Variants in CDKN2A observed in about 807,000 individuals in gnomAD.
CDKN2A encodes cyclin-dependent kinase inhibitor 2A.
A neutral mutation model predicts 11.1 loss-of-function variants in CDKN2A; 3 were observed. That is an observed-to-expected ratio of 0.27 (90% CI 0.12 to 0.70). The LOEUF is 0.70. Among genes scored for constraint, CDKN2A ranks in the 30% least tolerant of loss-of-function variants. CDKN2A has a pLI of 0.77. For missense variants in CDKN2A, 265 were observed against 233.6 expected (o/e 1.13, Z -0.88); for synonymous variants, 122 against 108.1 (o/e 1.13, Z -0.80).
Position 21,991,623 on chromosome 9 carries a change from G to A in CDKN2A, c.-4+2259C>T, listed in dbSNP as rs1458350786. 1 of 980,532 alleles carries A rather than the reference G, an allele frequency of 1.0e-6. No homozygotes were observed. Among genetic ancestry groups the A allele is most frequent in the Non-Finnish European group, 1.2e-6 (1 of 825,446 alleles). 60.7% of individuals were successfully genotyped at this position (980,532 alleles called of 1,614,324 possible). ...GGAGTTTTTCATATGTTGGGAAAATGGTTTAGCTTAACTCTATCATGGTAG... is the reference window on the plus strand; with the variant it reads ...GGAGTTTTTCATATGTTGGGAAAATAGTTTAGCTTAACTCTATCATGGTAG... On this transcript the variant is annotated intron_variant, in intron 2 of 3. Coordinates refer to the CDKN2A transcript ENST00000494262. The surrounding 1 kb of genome is among the most constrained non-coding windows in gnomAD (Gnocchi z 5.2).
rs1064793537 is a variant in CDKN2A, at chr9:21,994,370, C to T, written c.-175-317G>A. ...CCAGGGCCGAGCTCGGCAGCCGCTG[C>T]GCCGCCCTTTGGCACCAGAGGTGAG... is the stretch of plus-strand genomic sequence containing the variant. On this transcript the variant is annotated intron_variant, in intron 1 of 3. Coordinates refer to the CDKN2A transcript ENST00000494262. The T allele has an allele frequency of 1.2e-6, 2 of 1,607,478 alleles. No homozygotes were observed. Among genetic ancestry groups the T allele is most frequent in the Non-Finnish European group, 1.7e-6 (2 of 1,178,828 alleles).
At chr9:21,987,438 G>C (rs202157639) in intron 2 of CDKN2A, among the ~76,000 whole-genome samples, 89,592 of 122,274 alleles carry the variant, frequency 0.73, 31,843 homozygotes, top group East Asian at 0.94. Context: ...CACACAGAGA[G>C]AGAGAGAGAG....
At chr9:21,992,083 G>T in intron 2 of CDKN2A, 1 of 886,084 alleles carries the variant, frequency 1.1e-6, no homozygotes, top group Non-Finnish European at 1.4e-6. Flanking sequence ...TTTAGTATAT[G>T]TATTTCCAAT....
intron 2 of CDKN2A, among the ~76,000 whole-genome samples, chr9:21,981,656 A>G (rs532945344): frequency 6.6e-6 from 1 of 150,696 alleles, no homozygotes; most frequent in Non-Finnish European, 1.5e-5. Context: ...ACTAGCTTCA[A>G]TGTCTTGATC....
upstream of CDKN2A, among the ~76,000 whole-genome samples, chr9:21,979,078 A>C (rs1209731102): frequency 6.6e-6 from 1 of 152,244 alleles, no homozygotes; most frequent in African/African-American, 2.4e-5. Flanking sequence ...AGGCTTCCGG[A>C]TGCTGAGAGC....
Position 21,968,368 on chromosome 9 carries a change from C to T in CDKN2A, c.458-126G>A. The T allele has an allele frequency of 6.6e-7, 1 of 1,503,796 alleles. No homozygotes were observed. The highest frequency in any genetic ancestry group is 1.2e-5 in the South Asian group (1 of 83,976). The allele number at this position is 1,503,796 out of a possible 1,614,324, so 93.2% of individuals were successfully genotyped here. On this transcript the variant is annotated intron_variant, in intron 2 of 2. Coordinates refer to ENST00000304494, the MANE Select transcript of CDKN2A (RefSeq NM_000077.5). The surrounding 1 kb of genome is among the most constrained non-coding windows in gnomAD (Gnocchi z 4.7). ...CTTATGGATAAAGTTCTCGCAATGG[C>T]TTCACGTGCATGTACCCGCCGCCAC...
chr9:21,983,454 A>C (rs1390239951), intron 2 of CDKN2A, among the ~76,000 whole-genome samples: 1 of 152,062 alleles, frequency 6.6e-6, no homozygotes, highest in Non-Finnish European at 1.5e-5. Context: ...TGCTACTTTT[A>C]ACAGCTGTAA....
intron 1 of CDKN2A, chr9:21,971,537 T>A: frequency 2.9e-6 from 1 of 342,318 alleles, no homozygotes; most frequent in Non-Finnish European, 5.1e-6. Flanking sequence ...GAGATACAAC[T>A]ACTGAAATTT....
intron 2 of CDKN2A, among the ~76,000 whole-genome samples, chr9:21,987,800 TAAA>T (rs1820337518): frequency 6.6e-6 from 1 of 152,100 alleles, no homozygotes; most frequent in South Asian, 2.1e-4. Flanking sequence ...AATTCAAAGA[TAAA>T]GAAGCAGAAA....
chr9:21,990,711 AAC>A, intron 2 of CDKN2A, among the ~76,000 whole-genome samples: 1 of 150,734 alleles, frequency 6.6e-6, no homozygotes, highest in East Asian at 2.0e-4. Context: ...GCAATCATTT[AAC>A]AGTCTATGAA....
intron 2 of CDKN2A, chr9:21,992,578 A>G (rs1366095344): frequency 2.6e-6 from 1 of 381,218 alleles, no homozygotes; most frequent in Admixed American, 6.4e-5. Context: ...ATTTTCTCTA[A>G]CTTAAAATCA....
At chr9:21,972,913 C>A (rs1308829039) in intron 1 of CDKN2A, among the ~76,000 whole-genome samples, 1 of 152,146 alleles carries the variant, frequency 6.6e-6, no homozygotes, top group African/African-American at 2.4e-5. Context: ...AGGTACATTT[C>A]ATACTAAACA....
At position 21,974,727 on chromosome 9, in the gene CDKN2A, G is replaced by A. The variant is rs1554656344; in HGVS notation, c.101C>T (p.Ala34Val). The A allele has an allele frequency of 1.2e-6, 2 of 1,612,826 alleles. No homozygotes were observed. Among genetic ancestry groups the A allele is most frequent in the Non-Finnish European group, 1.7e-6 (2 of 1,179,826 alleles). ...ATTCGGTGCGTTGGGCAGCGCCCCC[G>A]CCTCCAGCAGCGCCCGCACCTCCTC... ...RVEEVRALLE[A>V]GALPNAPNSY... Residue 34 changes from alanine (A) to valine (V), a missense_variant, in exon 1 of 3, where the codon GCG becomes GTG. Coordinates refer to ENST00000304494, the MANE Select transcript of CDKN2A (RefSeq NM_000077.5). The surrounding 1 kb of genome is among the most constrained non-coding windows in gnomAD (Gnocchi z 5.2).
chr9:21,984,718 G>T (rs1445815719), intron 2 of CDKN2A, among the ~76,000 whole-genome samples: 1 of 151,952 alleles, frequency 6.6e-6, no homozygotes, highest in Non-Finnish European at 1.5e-5. Flanking sequence ...ACTGGTTTAG[G>T]ATACTCTAAT....
Position 21,974,747 on chromosome 9 carries a change from C to G in CDKN2A, c.81G>C (p.Glu27Asp), listed in dbSNP as rs1060504184. The G allele has an allele frequency of 6.2e-7, 1 of 1,611,568 alleles. No individual in the cohort carries two copies. The highest frequency in any genetic ancestry group is 2.2e-5 in the East Asian group (1 of 44,794). ...ATAAARGRVEEVRALLEAGAL... is the reference protein window; with the variant it reads ...ATAAARGRVEDVRALLEAGAL... ...CCCCCGCCTCCAGCAGCGCCCGCAC[C>G]TCCTCTACCCGACCCCGGGCCGCGG... is the stretch of plus-strand genomic sequence containing the variant. The change falls in exon 1 of 3, where the codon GAG becomes GAC. Residue 27 changes from glutamate (E) to aspartate (D), a missense_variant. Transcript: ENST00000304494. The surrounding 1 kb of genome is among the most constrained non-coding windows in gnomAD (Gnocchi z 5.2).
chr9:21,990,173 G>C (rs1342850982), intron 2 of CDKN2A, among the ~76,000 whole-genome samples: 1 of 152,128 alleles, frequency 6.6e-6, no homozygotes. Flanking sequence ...AGTGGGGGCG[G>C]AGAGAAGAGA....
intron 2 of CDKN2A, chr9:21,992,516 A>G: frequency 1.4e-6 from 1 of 697,982 alleles, no homozygotes; most frequent in African/African-American, 1.9e-5. Context: ...CAATGAACCT[A>G]TCATTTAAAT....
At chr9:21,992,277 A>T in intron 2 of CDKN2A, 1 of 910,004 alleles carries the variant, frequency 1.1e-6, no homozygotes, top group Non-Finnish European at 1.3e-6. Flanking sequence ...CAATATAGCC[A>T]TGGGCATAAA....
At chr9:21,994,466 A>G (rs1354430530) in intron 1 of CDKN2A, 1 of 1,424,136 alleles carries the variant, frequency 7.0e-7, no homozygotes, top group Non-Finnish European at 9.1e-7. Context: ...TCCGCCCCGC[A>G]GGCGCGCACC....
Sources: gnomAD v4.1 joint callset for allele counts (sites outside exome capture counted in the v4.1 genomes callset) on GRCh38, gnomAD v4.1.1 for gene constraint, Gnocchi (gnomAD v3.1) non-coding constraint, MANE v1.5 for transcripts, NCBI Gene and HGNC (gene_info 2026-07-23, HGNC 2026-07-21) for gene names.